Variants in ARHGAP21 observed in about 807,000 individuals in gnomAD.
ARHGAP21 encodes the protein Rho GTPase activating protein 21, also known as rho GTPase-activating protein 21.
A neutral mutation model predicts 164.6 loss-of-function variants in ARHGAP21; 38 were observed. The observed-to-expected ratio is 0.23, with a 90% CI of 0.18 to 0.30. The LOEUF is 0.30. ARHGAP21 is among the 10% of genes least tolerant of loss of function. ARHGAP21 has a pLI of 1.00. For synonymous variants in ARHGAP21, 766 were observed against 857.9 expected (o/e 0.89, Z 1.87); for missense variants, 1,822 against 2,370.7 (o/e 0.77, Z 4.81).
chr10:24,623,800 C>T (rs941125945), intron 7 of ARHGAP21, among the ~76,000 whole-genome samples: 4 of 152,108 alleles, frequency 2.6e-5, no homozygotes, highest in Non-Finnish European at 5.9e-5. Flanking sequence ...TTGTGAAATT[C>T]GAAAGGAAAA....
intron 2 of ARHGAP21, among the ~76,000 whole-genome samples, chr10:24,690,916 T>C (rs370015218): frequency 7.9e-5 from 12 of 151,066 alleles, no homozygotes; most frequent in African/African-American, 2.9e-4. Context: ...ATATAAAACA[T>C]AGAAAGGCAG....
At position 24,713,473 on chromosome 10, in the gene ARHGAP21, A is replaced by T. The variant is rs185072931; in HGVS notation, c.63+8364T>A. Among the ~76,000 whole-genome samples, 385 of 152,194 alleles carry T rather than the reference A, an allele frequency of 2.5e-3. 1 individual carries two copies. Among genetic ancestry groups the T allele is most frequent in the Non-Finnish European group, 4.7e-3 (320 of 67,994 alleles). ...TTACAATAATAAACAGTTTCTTCTG[A>T]TCTGTCTACTTACCCCGAAACAGAT... On this transcript the variant is annotated intron_variant, in intron 2 of 25. Coordinates refer to ENST00000396432, the MANE Select transcript of ARHGAP21 (RefSeq NM_020824.4).
chr10:24,718,030 TAA>T (rs1458678962), intron 2 of ARHGAP21, among the ~76,000 whole-genome samples: 3 of 152,152 alleles, frequency 2.0e-5, no homozygotes, highest in African/African-American at 4.8e-5. Flanking sequence ...GGGACAAGGC[TAA>T]GTTATTGGGA....
chr10:24,687,866 G>A (rs777603252), intron 2 of ARHGAP21, among the ~76,000 whole-genome samples: 2 of 152,166 alleles, frequency 1.3e-5, no homozygotes, highest in African/African-American at 4.8e-5. Flanking sequence ...ATATCATGTG[G>A]TTTCACTATT....
At chr10:24,674,731 G>A (rs763393303) in intron 2 of ARHGAP21, among the ~76,000 whole-genome samples, 6 of 151,540 alleles carry the variant, frequency 4.0e-5, no homozygotes, top group South Asian at 4.2e-4. Flanking sequence ...ACACACACAC[G>A]TATATACATA....
At chr10:24,642,458 T>C (rs1026083661) in intron 4 of ARHGAP21, among the ~76,000 whole-genome samples, 9 of 137,780 alleles carry the variant, frequency 6.5e-5, no homozygotes, top group African/African-American at 2.5e-4. Flanking sequence ...GAGCTTGCAG[T>C]GAGCCAAGAT....
intron 4 of ARHGAP21, among the ~76,000 whole-genome samples, chr10:24,655,824 G>A (rs1169485547): frequency 1.4e-5 from 2 of 138,030 alleles, no homozygotes; most frequent in East Asian, 4.4e-4. Context: ...TCTCTGCCCG[G>A]CCGCCCATCG....
chr10:24,609,362 AAC>A (rs1447645487), intron 9 of ARHGAP21, among the ~76,000 whole-genome samples: 1 of 152,226 alleles, frequency 6.6e-6, no homozygotes, highest in African/African-American at 2.4e-5. Context: ...ACATTTCTGA[AAC>A]ACACTGGATT....
At chr10:24,646,819 T>C (rs1837617420) in intron 4 of ARHGAP21, among the ~76,000 whole-genome samples, 1 of 152,168 alleles carries the variant, frequency 6.6e-6, no homozygotes, top group African/African-American at 2.4e-5. Flanking sequence ...TGCATTAAAA[T>C]ATCACACTGC....
chr10:24,683,526 C>A (rs1841961751), intron 2 of ARHGAP21, among the ~76,000 whole-genome samples: 1 of 151,824 alleles, frequency 6.6e-6, no homozygotes, highest in African/African-American at 2.4e-5. Flanking sequence ...GAGTCTCGCT[C>A]TGTTGCCCAG....
chr10:24,598,081 C>T, intron 14 of ARHGAP21, 72 bp from the exon 15 acceptor site: 3 of 1,193,734 alleles, frequency 2.5e-6, no homozygotes, highest in South Asian at 2.6e-5. Flanking sequence ...TTGAGGCTTT[C>T]TATTGTACTG....
intron 6 of ARHGAP21, 135 bp downstream of exon 6, chr10:24,633,267 G>T: frequency 4.9e-6 from 3 of 606,120 alleles, no homozygotes; most frequent in Non-Finnish European, 8.2e-6. Context: ...ACTCTCAAAT[G>T]CATTATATCT....
chr10:24,713,701 G>A (rs1217068139), intron 2 of ARHGAP21, among the ~76,000 whole-genome samples: 1 of 150,556 alleles, frequency 6.6e-6, no homozygotes, highest in Non-Finnish European at 1.5e-5. Flanking sequence ...TCAAACTCCT[G>A]GGCTCAAGCA....
intron 14 of ARHGAP21, among the ~76,000 whole-genome samples, chr10:24,599,570 G>A (rs1481695811): frequency 6.6e-6 from 1 of 152,126 alleles, no homozygotes. Context: ...TTTAATGTAG[G>A]CATTCCTGAG....
At chr10:24,635,158 C>T in intron 4 of ARHGAP21, 55 bp from the exon 5 acceptor site, 1 of 1,119,916 alleles carries the variant, frequency 8.9e-7, no homozygotes, top group Non-Finnish European at 1.3e-6. Flanking sequence ...TACTAAAATA[C>T]CTAAATATAA....
intron 2 of ARHGAP21, among the ~76,000 whole-genome samples, chr10:24,680,976 G>A (rs1841707896): frequency 6.6e-6 from 1 of 152,076 alleles, no homozygotes; most frequent in South Asian, 2.1e-4. Context: ...TCATAACAAG[G>A]TCATTTGATT....
intron 4 of ARHGAP21, among the ~76,000 whole-genome samples, chr10:24,665,090 T>TA (rs1437966253): frequency 6.6e-6 from 1 of 152,222 alleles, no homozygotes; most frequent in Non-Finnish European, 1.5e-5. Flanking sequence ...GATGGGAAGA[T>TA]GGAGTACCTA....
chr10:24,637,759 A>G (rs920568897), intron 4 of ARHGAP21, among the ~76,000 whole-genome samples: 5 of 152,210 alleles, frequency 3.3e-5, no homozygotes, highest in African/African-American at 7.2e-5. Context: ...ATCTTTCAAT[A>G]CACTATGCCT....
chr10:24,608,294 G>GTGAT (rs1593004153), intron 9 of ARHGAP21, among the ~76,000 whole-genome samples: 1 of 152,116 alleles, frequency 6.6e-6, no homozygotes, highest in African/African-American at 2.4e-5. Context: ...GGAAATTAAG[G>GTGAT]TGATTGGCTG....
Sources: allele counts gnomAD v4.1 joint callset (sites outside exome capture counted in the v4.1 genomes callset), GRCh38; gene constraint gnomAD v4.1.1; transcripts MANE v1.5; gene names NCBI Gene and HGNC (gene_info 2026-07-23, HGNC 2026-07-21).